Variants in ALK observed in about 807,000 individuals in gnomAD.
ALK encodes the protein ALK receptor tyrosine kinase, also known as ALK tyrosine kinase receptor.
A neutral mutation model predicts 163.1 loss-of-function variants in ALK; 74 were observed. The ratio of observed to expected loss-of-function variants is 0.45; its 90% CI spans 0.38 to 0.55. The LOEUF (loss-of-function observed/expected upper bound fraction) is 0.55, where lower values mean the gene tolerates loss of function less well. Among genes scored for constraint, ALK ranks in the 20% least tolerant of loss-of-function variants. ALK has a pLI of 0.00. For synonymous variants in ALK, 960 were observed against 843.2 expected, an observed-to-expected ratio of 1.14 and a Z score of -2.40; for missense variants, 2,063 against 2,105.3, an observed-to-expected ratio of 0.98 and a Z score of 0.39.
intron 3 of ALK, among the ~76,000 whole-genome samples, chr2:29,615,597 G>T (rs1198320341): frequency 2.0e-5 from 3 of 152,204 alleles, no homozygotes; most frequent in African/African-American, 7.2e-5. Flanking sequence ...AGTTACTGTT[G>T]TTATCAATAC....
chr2:29,537,527 G>A (rs577536950), intron 3 of ALK, among the ~76,000 whole-genome samples: 187 of 152,346 alleles, frequency 1.2e-3, no homozygotes, highest in South Asian at 1.0e-2. Flanking sequence ...GCCATAGGAG[G>A]CATGGGCAGA....
chr2:29,435,069 C>T (rs577354340), intron 4 of ALK, among the ~76,000 whole-genome samples: 10 of 152,278 alleles, frequency 6.6e-5, no homozygotes, highest in Admixed American at 2.6e-4. Flanking sequence ...CCATATCAAG[C>T]AAAGCCCTTG....
At chr2:29,458,782 C>G (rs954255410) in intron 4 of ALK, among the ~76,000 whole-genome samples, 1 of 152,144 alleles carries the variant, frequency 6.6e-6, no homozygotes, top group Non-Finnish European at 1.5e-5. Context: ...AAGTTGCTGC[C>G]ATGATTGAGT....
chr2:29,608,587 G>A (rs759140891), intron 3 of ALK, among the ~76,000 whole-genome samples: 5 of 152,190 alleles, frequency 3.3e-5, no homozygotes, highest in African/African-American at 1.2e-4. Context: ...GGACATAGGC[G>A]CCATTTCTGC....
intron 5 of ALK, among the ~76,000 whole-genome samples, chr2:29,367,709 G>A (rs1668540513): frequency 1.3e-5 from 2 of 152,142 alleles, no homozygotes; most frequent in South Asian, 4.1e-4. Context: ...TAGATGTTGT[G>A]TATTGAAGGG....
intron 1 of ALK, among the ~76,000 whole-genome samples, chr2:29,840,558 TC>T (rs1665672516): frequency 6.6e-6 from 1 of 152,214 alleles, no homozygotes. Context: ...CTAATTCCTT[TC>T]CCTTTGCATC....
At chr2:29,235,805 G>A (rs1251902338) in intron 13 of ALK, among the ~76,000 whole-genome samples, 1 of 139,882 alleles carries the variant, frequency 7.1e-6, no homozygotes, top group Non-Finnish European at 1.5e-5. Context: ...TAATCATCCT[G>A]CCTTAGTCTC....
chr2:29,652,248 G>A (rs116497895), intron 3 of ALK, among the ~76,000 whole-genome samples: 113 of 152,074 alleles, frequency 7.4e-4, no homozygotes, highest in Non-Finnish European at 1.4e-3. Context: ...TAACTCCCCA[G>A]GCATTATAGT....
chr2:29,638,727 G>A (rs1219698591), intron 3 of ALK, among the ~76,000 whole-genome samples: 6 of 152,100 alleles, frequency 3.9e-5, no homozygotes, highest in African/African-American at 1.4e-4. Context: ...ATCTGAAATG[G>A]GCTGTAGAGG....
chr2:29,329,817 T>G (rs905858797), intron 5 of ALK, among the ~76,000 whole-genome samples: 1 of 152,242 alleles, frequency 6.6e-6, no homozygotes, highest in African/African-American at 2.4e-5. Flanking sequence ...CTCCATCTAC[T>G]TTAGCACATC....
chr2:29,845,763 A>G (rs1665826455), intron 1 of ALK, among the ~76,000 whole-genome samples: 1 of 152,158 alleles, frequency 6.6e-6, no homozygotes, highest in South Asian at 2.1e-4. Context: ...AATAAAATCT[A>G]GTTTACCATT....
intron 3 of ALK, among the ~76,000 whole-genome samples, chr2:29,693,638 T>C (rs985752558): frequency 1.3e-5 from 2 of 152,218 alleles, no homozygotes; most frequent in Non-Finnish European, 2.9e-5. Context: ...TAATTGTTTT[T>C]GTGCCACCTC....
rs200829376 is a variant in ALK at position 29,193,358 on chromosome 2, A to G, written c.4729T>C (p.Phe1577Leu). Residue 1577 changes from phenylalanine (F) to leucine (L), a missense_variant, in exon 29 of 29, where the codon TTC (phenylalanine) becomes CTC (leucine). Physicochemically the swap from Phe to Leu is conservative, Grantham distance 22. Transcript: ENST00000389048. ...CCGTAATTGACATTCCCACAAGGGA[A>G]GTGACGTAGCCTGAACAGAGGTACC... is the stretch of plus-strand genomic sequence containing the variant. ...KEVPLFRLRH[F>L]PCGNVNYGYQ... is the part of the protein sequence containing the mutation. 4.3e-6 allele frequency: 7 copies of G among 1,614,212 alleles called. No individual in the cohort carries two copies. Among genetic ancestry groups the G allele is most frequent in the Admixed American group, 1.7e-5 (1 of 60,026 alleles).
At chr2:29,755,758 A>G (rs1198654699) in intron 1 of ALK, among the ~76,000 whole-genome samples, 2 of 152,270 alleles carry the variant, frequency 1.3e-5, no homozygotes, top group East Asian at 3.9e-4. Flanking sequence ...GAGGACACCC[A>G]GGGCTGACTC....
intron 5 of ALK, among the ~76,000 whole-genome samples, chr2:29,335,716 T>C (rs961805966): frequency 1.3e-5 from 2 of 152,168 alleles, no homozygotes; most frequent in African/African-American, 2.4e-5. Flanking sequence ...ATGAAATCAG[T>C]ATCTCTGGAG....
At chr2:29,425,598 C>T (rs1332594904) in intron 4 of ALK, among the ~76,000 whole-genome samples, 1 of 152,158 alleles carries the variant, frequency 6.6e-6, no homozygotes, top group Non-Finnish European at 1.5e-5. Context: ...AGAAGAGAGG[C>T]TACTTACCCT....
intron 4 of ALK, among the ~76,000 whole-genome samples, chr2:29,453,626 T>C (rs1670878470): frequency 6.6e-6 from 1 of 152,064 alleles, no homozygotes; most frequent in Non-Finnish European, 1.5e-5. Flanking sequence ...ACCTGCTACA[T>C]AGTAGATATT....
intron 1 of ALK, among the ~76,000 whole-genome samples, chr2:29,804,360 G>T (rs1411731847): frequency 6.6e-6 from 1 of 152,210 alleles, no homozygotes; most frequent in Non-Finnish European, 1.5e-5. Context: ...TCTAGAATGG[G>T]CCTGGATACA....
chr2:29,920,474 C>G lies in ALK; in HGVS notation c.186G>C (p.Ser62=), dbSNP rs999950252. The G allele has an allele frequency of 6.2e-7, 1 of 1,612,908 alleles. No homozygotes were observed. The highest frequency in any genetic ancestry group is 8.5e-7 in the Non-Finnish European group (1 of 1,179,604). Residue 62 remains serine (S), a synonymous_variant, in exon 1 of 29, where the codon TCG becomes TCC. Transcript: ENST00000389048. ...KSLAVDFVVP[S]LFRVYARDLL... ...GGTCCCGGGCGTAGACACGGAAGAG[C>G]GAGGGCACCACGAAGTCAACTGCCA...
Sources: gnomAD v4.1 joint callset for allele counts (sites outside exome capture counted in the v4.1 genomes callset) on GRCh38, gnomAD v4.1.1 for gene constraint, MANE v1.5 for transcripts, NCBI Gene and HGNC (gene_info 2026-07-23, HGNC 2026-07-21) for gene names.